Variants in KARS1 observed in about 807,000 individuals in gnomAD.
KARS1 encodes lysyl-tRNA synthetase 1, also known as lysine--tRNA ligase.
A neutral mutation model predicts 63.9 loss-of-function variants in KARS1; 50 were observed. That is an observed-to-expected ratio of 0.78 (90% CI 0.62 to 0.99). The LOEUF is 0.99. Ranked by LOEUF, KARS1 falls within the 50% of genes least tolerant of loss-of-function variation. The probability of loss-of-function intolerance (pLI) is 0.00; values close to 1 mark genes in which losing one functional copy is unlikely to be tolerated. For missense variants in KARS1, 816 were observed against 754.5 expected (o/e 1.08, Z -0.95); for synonymous variants, 320 against 264.6 (o/e 1.21, Z -2.03).
At position 75,635,905 on chromosome 16, in the gene KARS1, C is replaced by A; in HGVS notation, c.669+7G>T. 6.2e-7 allele frequency: 1 copy of A among 1,614,072 alleles called. No homozygotes were observed. Among genetic ancestry groups the A allele is most frequent in the African/African-American group, 1.3e-5 (1 of 75,030 alleles). ...GAGGCCACAGCTAGGAGGCCAAGAA[C>A]GCTTACCTTGTCTTTGAGGCCAAAG... On this transcript the variant is annotated splice_region_variant and intron_variant, in intron 5 of 13. Transcript: ENST00000302445.
chr16:75,645,233 G>A (rs914496307), intron 1 of KARS1, among the ~76,000 whole-genome samples: 24 of 152,206 alleles, frequency 1.6e-4, no homozygotes, highest in African/African-American at 5.1e-4. Flanking sequence ...TCATGGTAAC[G>A]AGAGGAATAG....
intron 3 of KARS1, chr16:75,639,933 T>G: frequency 1.9e-6 from 1 of 524,522 alleles, no homozygotes; most frequent in Non-Finnish European, 3.4e-6. Context: ...CTACCGCTGA[T>G]TCTTGCTGAT....
At chr16:75,642,185 C>CTTTTTTTTTTTT (rs148991591) in intron 1 of KARS1, among the ~76,000 whole-genome samples, 1 of 63,170 alleles carries the variant, frequency 1.6e-5, no homozygotes, top group African/African-American at 4.0e-5. Flanking sequence ...AGTGCCAGGT[C>CTTTTTTTTTTTT]TTTTTTTTTT....
In KARS1 at chr16:75,631,542, C is replaced by T; in HGVS notation, c.1126G>A (p.Asp376Asn). The change falls in exon 9 of 14, where the codon GAT becomes AAT. Residue 376 changes from aspartate (D) to asparagine (N), a missense_variant. By Grantham distance (23) the Asp-to-Asn change is conservative. Transcript: ENST00000302445. ...TCGTAGGCTTGGCCCTCTGGGCCATCTGGGTGGTAGGTGACCTTGTAACTG... is the reference window on the plus strand; with the variant it reads ...TCGTAGGCTTGGCCCTCTGGGCCATTTGGGTGGTAGGTGACCTTGTAACTG... ...TGSYKVTYHP[D>N]GPEGQAYDVD... The T allele has an allele frequency of 6.2e-7, 1 of 1,614,058 alleles. No homozygotes were observed. The highest frequency in any genetic ancestry group is 8.5e-7 in the Non-Finnish European group (1 of 1,179,922).
At chr16:75,646,397 C>G (rs906270812) in intron 1 of KARS1, among the ~76,000 whole-genome samples, 2 of 151,910 alleles carry the variant, frequency 1.3e-5, no homozygotes, top group African/African-American at 2.4e-5. Flanking sequence ...AAAAATTGGC[C>G]AGCCATGGTG....
intron 3 of KARS1, among the ~76,000 whole-genome samples, chr16:75,639,571 CAAA>C (rs35021757): frequency 1.3e-5 from 1 of 79,820 alleles, no homozygotes; most frequent in Admixed American, 1.5e-4. Context: ...GACTATATCT[CAAA>C]AAAAAAAAAA....
intron 6 of KARS1, 199 bp downstream of exon 6, chr16:75,635,481 T>C: frequency 1.5e-6 from 1 of 653,312 alleles, no homozygotes; most frequent in South Asian, 1.6e-5. Flanking sequence ...GCCCTATACC[T>C]TGTCCATTAT....
At chr16:75,642,297 G>A (rs1487498616) in intron 1 of KARS1, among the ~76,000 whole-genome samples, 2 of 144,470 alleles carry the variant, frequency 1.4e-5, no homozygotes, top group East Asian at 2.1e-4. Flanking sequence ...TGCCTCCCGG[G>A]TTTCAAGAGA....
chr16:75,630,035 C>T (rs2082094451), intron 11 of KARS1, among the ~76,000 whole-genome samples: 1 of 152,196 alleles, frequency 6.6e-6, no homozygotes, highest in African/African-American at 2.4e-5. Context: ...GTGTAGTCTC[C>T]TTCACCTGGA....
chr16:75,631,441 T>C lies in KARS1; in HGVS notation c.1227A>G (p.Pro409=). Residue 409 remains proline (P), a synonymous_variant, in exon 9 of 14, where the codon CCA becomes CCG. Transcript: ENST00000302445. The part of the protein sequence containing the change: ...ELEKALGMKL[P]ETNLFETEET... ...CTTCAGTTTCAAAGAGGTTCGTTTC[T>C]GGCAGCTTCATCCCCAGGGCTTTCT... The C allele has an allele frequency of 1.2e-6, 2 of 1,614,222 alleles. No individual in the cohort carries two copies. Among genetic ancestry groups the C allele is most frequent in the Middle Eastern group, 3.3e-4 (2 of 6,062 alleles).
intron 1 of KARS1, among the ~76,000 whole-genome samples, chr16:75,643,702 A>G (rs985159482): frequency 2.0e-5 from 3 of 152,216 alleles, no homozygotes; most frequent in African/African-American, 7.2e-5. Flanking sequence ...TGTAAAAAAG[A>G]AAAACAGATT....
In KARS1 at chr16:75,634,230, A is replaced by G. The variant is rs1278525470; in HGVS notation, c.858T>C (p.Tyr286=). The G allele has an allele frequency of 3.7e-6, 6 of 1,614,066 alleles. No homozygotes were observed. The highest frequency in any genetic ancestry group is 1.7e-5 in the Admixed American group (1 of 60,018). The change falls in exon 7 of 14, where the codon TAT becomes TAC. Residue 286 remains tyrosine, a synonymous_variant. Transcript: ENST00000302445. ...ATAAGTTCATGTCCAGCTCGTTGTG[A>G]TAAGTGATGAAAGGCTTGGCCACGG... ...GGAVAKPFIT[Y]HNELDMNLYM... is the part of the protein sequence containing the mutation.
chr16:75,641,184 A>C (rs2082219873), intron 2 of KARS1, among the ~76,000 whole-genome samples: 1 of 147,994 alleles, frequency 6.8e-6, no homozygotes. Flanking sequence ...AAACAAAAAC[A>C]AAAAACCAGG....
In KARS1 at chr16:75,627,933, C is replaced by A; in HGVS notation, c.1756G>T (p.Asp586Tyr). The A allele has an allele frequency of 6.2e-7, 1 of 1,610,486 alleles. No individual in the cohort carries two copies. Among genetic ancestry groups the A allele is most frequent in the Non-Finnish European group, 8.5e-7 (1 of 1,176,682 alleles). The part of the protein sequence containing the change: ...EDKKENVATT[D>Y]TLESTTVGTS... The stretch of plus-strand genomic sequence containing the variant: ...CCAACTGTTGTGCTTTCCAGTGTAT[C>A]AGTGGTTGCTACATTCTCCTTCTTG... The change falls in exon 14 of 14, where the codon GAT (aspartate) becomes TAT (tyrosine). Residue 586 changes from aspartate (D) to tyrosine (Y), a missense_variant. By Grantham distance (160) the Asp-to-Tyr change is radical (BLOSUM62 -3). Coordinates refer to ENST00000302445, the MANE Select transcript of KARS1 (RefSeq NM_005548.3).
At chr16:75,632,269 T>A (rs1239859357) in intron 7 of KARS1, among the ~76,000 whole-genome samples, 1 of 152,220 alleles carries the variant, frequency 6.6e-6, no homozygotes, top group Non-Finnish European at 1.5e-5. Flanking sequence ...ACAGGTTAGG[T>A]ATACTCTCAG....
rs2082302017 is a variant in KARS1, at chr16:75,647,504, G to C, written c.62+74C>G. The stretch of plus-strand genomic sequence containing the variant: ...AGAAGGCCCCGGCACAGCAGCCTTG[G>C]TGGGAACCTCGCGGCGCTTCCCAGC... On this transcript the variant is annotated intron_variant, in intron 1 of 13. Transcript: ENST00000302445. 2.2e-6 allele frequency: 3 copies of C among 1,389,656 alleles called. No individual in the cohort carries two copies. The African/African-American group carries it at 4.3e-5, about 20-fold the overall frequency. The allele number at this position is 1,389,656 out of a possible 1,614,324, so 86.1% of individuals were successfully genotyped here.
At position 75,628,601 on chromosome 16, in the gene KARS1, C is replaced by T. The variant is rs571409000; in HGVS notation, c.1663G>A (p.Ala555Thr). Residue 555 changes from alanine (A) to threonine (T), a missense_variant, in exon 13 of 14, where the codon GCC becomes ACC. By Grantham distance (58) the Ala-to-Thr change is moderately conservative (BLOSUM62 0). Transcript: ENST00000302445. The part of the protein sequence containing the change: ...AGWGMGIDRV[A>T]MFLTDSNNIK... ...TTGTTGGAGTCCGTGAGAAACATGG[C>T]GACTCGATCAATGCCCATGCCCCAG... 79 of 1,613,928 alleles carry T rather than the reference C, an allele frequency of 4.9e-5. No homozygotes were observed. The highest frequency in any genetic ancestry group is 6.1e-5 in the Non-Finnish European group (72 of 1,180,022).
chr16:75,634,364 T>C (rs2082141614), intron 6 of KARS1, 72 bp from the exon 7 acceptor site: 2 of 1,498,230 alleles, frequency 1.3e-6, no homozygotes, highest in Admixed American at 1.7e-5. Flanking sequence ...GCTTTGCATG[T>C]AATATAGTCT....
chr16:75,635,493 T>C, intron 6 of KARS1, 187 bp downstream of exon 6: 2 of 685,512 alleles, frequency 2.9e-6, no homozygotes, highest in South Asian at 3.1e-5. Flanking sequence ...GTCCATTATC[T>C]TGGAAGTCAG....
Sources: allele counts gnomAD v4.1 joint callset (sites outside exome capture counted in the v4.1 genomes callset), GRCh38; gene constraint gnomAD v4.1.1; transcripts MANE v1.5; gene names NCBI Gene and HGNC (gene_info 2026-07-23, HGNC 2026-07-21).